LAT: variants seen among roughly 807,000 people sequenced by gnomAD.
The protein encoded by LAT is linker for activation of T-cells family member 1.
LAT carries 12 observed loss-of-function variants against 39.1 expected under a neutral mutation model. That is an observed-to-expected ratio of 0.31 (90% confidence interval 0.20 to 0.50). The LOEUF (loss-of-function observed/expected upper bound fraction) is 0.50, where lower values mean the gene tolerates loss of function less well. LAT is among the 20% of genes least tolerant of loss of function. LAT has a pLI of 0.98. For missense variants in LAT, 253 were observed against 308.0 expected (o/e 0.82, Z 1.34); for synonymous variants, 117 against 123.8 (o/e 0.95, Z 0.36).
Position 28,987,053 on chromosome 16 carries a change from G to A in LAT, c.493+160G>A, listed in dbSNP as rs193155488. Among the ~76,000 whole-genome samples the A allele has an allele frequency of 6.3e-4, 96 of 152,196 alleles. 1 individual carries two copies. The highest frequency in any genetic ancestry group is 1.9e-3 in the African/African-American group (81 of 41,546). ...CTCCCAAGTAGCTGAGACCACAGGCGCATGCCACCACACCTAGCTTATTTA... is the reference window on the plus strand; with the variant it reads ...CTCCCAAGTAGCTGAGACCACAGGCACATGCCACCACACCTAGCTTATTTA... On this transcript the variant is annotated intron_variant, in intron 8 of 11. Coordinates refer to ENST00000395456, the MANE Select transcript of LAT (RefSeq NM_001014987.2).
Position 28,985,281 on chromosome 16 carries a change from C to G in LAT, c.-137C>G. 6.8e-7 allele frequency: 1 copy of G among 1,466,754 alleles called. No individual in the cohort carries two copies. The highest frequency in any genetic ancestry group is 9.0e-7 in the Non-Finnish European group (1 of 1,109,710). The allele number at this position is 1,466,754 out of a possible 1,614,324, so 90.9% of individuals were successfully genotyped here. ...CGGGGAGGGCACAGCTGCCTCCTCCCGGGCTCCCCTGCCACCTGGTGCCTA... is the reference window on the plus strand; with the variant it reads ...CGGGGAGGGCACAGCTGCCTCCTCCGGGGCTCCCCTGCCACCTGGTGCCTA... On this transcript the variant is annotated 5_prime_UTR_variant, in exon 1 of 12. Coordinates refer to ENST00000395456, the MANE Select transcript of LAT (RefSeq NM_001014987.2). The surrounding 1 kb of genome is among the most constrained non-coding windows in gnomAD (Gnocchi z 4.6).
Position 28,986,336 on chromosome 16 carries a change from C to T in LAT, c.246-46C>T, listed in dbSNP as rs777346159. On this transcript the variant is annotated intron_variant, in intron 4 of 11. Coordinates refer to ENST00000395456, the MANE Select transcript of LAT (RefSeq NM_001014987.2). The surrounding 1 kb of genome is among the most constrained non-coding windows in gnomAD (Gnocchi z 5.7). ...CTTTCCCTTTTGCAACTGCTGTTGC[C>T]CCCTGAGCCCCACCTCAGGCATGAC... The T allele has an allele frequency of 8.1e-6, 13 of 1,602,142 alleles. No homozygotes were observed. The highest frequency in any genetic ancestry group is 1.7e-4 in the Middle Eastern group (1 of 6,048).
Position 28,985,098 on chromosome 16 carries a change from G to GGC in LAT, c.-317_-316dup. ...GCGGGAGGGCGGGCACGGAGAGGCG[G>GGC]GCGCCGAGGAGGGGCAGGTAGGGCT... On this transcript the variant is annotated 5_prime_UTR_variant, in exon 1 of 12. Transcript: ENST00000395456. This position sits in a 1 kb window ranked among gnomAD's most constrained non-coding sequence, Gnocchi z 4.6. 1 of 1,428,294 alleles carries GGC rather than the reference G, an allele frequency of 7.0e-7. No individual in the cohort carries two copies. The highest frequency in any genetic ancestry group is 9.1e-7 in the Non-Finnish European group (1 of 1,096,416). The allele number at this position is 1,428,294 out of a possible 1,614,324, so 88.5% of individuals were successfully genotyped here. A position where few individuals can be genotyped will look rare whatever the true frequency, so the allele number is the denominator to read the frequency against.
intron 8 of LAT, chr16:28,987,586 G>T (rs1164506516): frequency 6.6e-6 from 1 of 152,508 alleles, no homozygotes; most frequent in Non-Finnish European, 1.5e-5. Flanking sequence ...CTGTTGCTTT[G>T]CTCTCTCTGT....
intron 9 of LAT, 67 bp from the exon 10 acceptor site, chr16:28,989,707 T>A: frequency 6.3e-7 from 1 of 1,591,340 alleles, no homozygotes; most frequent in Non-Finnish European, 8.6e-7. Flanking sequence ...TGTCTGGGCG[T>A]CCCCTTGCTC....
chr16:28,990,574 A>C lies in LAT; in HGVS notation c.*393A>C. Reference sequence around the variant, plus strand: ...TGGGGGCTCAGCCAGGTGCTGTGACACCCCCCTTCTGAATGAAGCCTTCTG... The same window carrying C: ...TGGGGGCTCAGCCAGGTGCTGTGACCCCCCCCTTCTGAATGAAGCCTTCTG... On this transcript the variant is annotated 3_prime_UTR_variant, in exon 12 of 12. Coordinates refer to ENST00000395456, the MANE Select transcript of LAT (RefSeq NM_001014987.2). 3 of 224,620 alleles carry C rather than the reference A, an allele frequency of 1.3e-5. No homozygotes were observed. The highest frequency in any genetic ancestry group is 2.7e-5 in the Non-Finnish European group (3 of 111,622). 13.9% of individuals were successfully genotyped at this position (224,620 alleles called of 1,614,324 possible). A position where few individuals can be genotyped will look rare whatever the true frequency, so the allele number is the denominator to read the frequency against.
chr16:28,985,769 C>G lies in LAT; in HGVS notation c.128+29C>G, dbSNP rs1015326839. The G allele has an allele frequency of 2.5e-6, 4 of 1,613,932 alleles. No homozygotes were observed. The African/African-American group carries it at 5.3e-5, about 22-fold the overall frequency. On this transcript the variant is annotated intron_variant, in intron 2 of 11. Transcript: ENST00000395456. This position sits in a 1 kb window ranked among gnomAD's most constrained non-coding sequence, Gnocchi z 4.6. ...AGTCCGCCCCAGCCGCCCTGGGTCT[C>G]CCTCCACACCCCATGGCGGGGCAGG...
chr16:28,990,470 G>T lies in LAT; in HGVS notation c.*289G>T. On this transcript the variant is annotated 3_prime_UTR_variant, in exon 12 of 12. Coordinates refer to ENST00000395456, the MANE Select transcript of LAT (RefSeq NM_001014987.2). ...GTCTGTGTTGAGCGTGCGTCTGTGT[G>T]TGCCTGTGTGCGAGTCTGAGTCAGA... is the stretch of plus-strand genomic sequence containing the variant. 1 of 328,386 alleles carries T rather than the reference G, an allele frequency of 3.0e-6. No homozygotes were observed. The allele number at this position is 328,386 out of a possible 1,614,324, so 20.3% of individuals were successfully genotyped here.
Position 28,986,125 on chromosome 16 carries a change from G to A in LAT, c.164-10G>A, listed in dbSNP as rs1166311631. 1.3e-6 allele frequency: 2 copies of A among 1,587,094 alleles called. No homozygotes were observed. The highest frequency in any genetic ancestry group is 1.8e-5 in the Admixed American group (1 of 55,964). ...GGAGTCCTTCTTTCAACTTGGTTCT[G>A]TGTCCTCAGACACGGTTGCCCCCTG... On this transcript the variant is annotated splice_polypyrimidine_tract_variant and intron_variant, in intron 3 of 11. Transcript: ENST00000395456. This position sits in a 1 kb window ranked among gnomAD's most constrained non-coding sequence, Gnocchi z 5.7.
At position 28,990,147 on chromosome 16, in the gene LAT, A is replaced by C. The variant is rs1194565805; in HGVS notation, c.*8-42A>C. ...CTCTGGGTACCTGCTGAACCCCGTC[A>C]GCCTCCTGATCCGTATCCCTCCCTG... On this transcript the variant is annotated intron_variant, in intron 11 of 11. Coordinates refer to ENST00000395456, the MANE Select transcript of LAT (RefSeq NM_001014987.2). The C allele has an allele frequency of 7.8e-6, 6 of 768,744 alleles. No homozygotes were observed. The South Asian group carries it at 9.1e-5, about 12-fold the overall frequency. The allele number at this position is 768,744 out of a possible 1,614,324, so 47.6% of individuals were successfully genotyped here.
At chr16:28,990,063 C>T in intron 11 of LAT, 44 bp downstream of exon 11, 1 of 1,514,156 alleles carries the variant, frequency 6.6e-7, no homozygotes, top group Non-Finnish European at 9.1e-7. Flanking sequence ...GGCCCACAGG[C>T]TCTACTCCTT....
In LAT at chr16:28,986,908, T is replaced by C. The variant is rs367956473; in HGVS notation, c.493+15T>C. On this transcript the variant is annotated intron_variant, in intron 8 of 11. Coordinates refer to ENST00000395456, the MANE Select transcript of LAT (RefSeq NM_001014987.2). The surrounding 1 kb of genome is among the most constrained non-coding windows in gnomAD (Gnocchi z 5.7). ...TGCCTTCTCCAGTGAGTCAGGCATT[T>C]GTTTTTATTTTTAAATTTTTTTAGG... The C allele has an allele frequency of 2.1e-5, 33 of 1,609,538 alleles. No homozygotes were observed. Among genetic ancestry groups the C allele is most frequent in the African/African-American group, 4.0e-5 (3 of 74,654 alleles).
chr16:28,986,454 TG>T lies in LAT; in HGVS notation c.310+12del. ...GGCGGGATTCTGATGGTGGTAAGTGTGGGGAAGGGTTCAGGCGGCGGGGGCT... is the reference window on the plus strand; with the variant it reads ...GGCGGGATTCTGATGGTGGTAAGTGTGGGAAGGGTTCAGGCGGCGGGGGCT... On this transcript the variant is annotated intron_variant, in intron 5 of 11. Coordinates refer to ENST00000395456, the MANE Select transcript of LAT (RefSeq NM_001014987.2). This position sits in a 1 kb window ranked among gnomAD's most constrained non-coding sequence, Gnocchi z 5.7. The T allele has an allele frequency of 1.2e-6, 2 of 1,613,516 alleles. No homozygotes were observed. Among genetic ancestry groups the T allele is most frequent in the Non-Finnish European group, 1.7e-6 (2 of 1,179,874 alleles).
rs747700060 is a variant in LAT, at chr16:28,986,146, C to T, written c.175C>T (p.Pro59Ser). 3 of 1,597,896 alleles carry T rather than the reference C, an allele frequency of 1.9e-6. No individual in the cohort carries two copies. Among genetic ancestry groups the T allele is most frequent in the South Asian group, 1.1e-5 (1 of 88,294 alleles). Residue 59 changes from proline to serine, a missense_variant, in exon 4 of 12, where the codon CCC becomes TCC. By Grantham distance (74) the Pro-to-Ser change is moderately conservative (BLOSUM62 -1). Transcript: ENST00000395456. This position sits in a 1 kb window ranked among gnomAD's most constrained non-coding sequence, Gnocchi z 5.7. ...IQFKRPHTVA[P>S]WPPAYPPVTS... ...TTCTGTGTCCTCAGACACGGTTGCC[C>T]CCTGGCCACCTGCCTACCCACCTGT...
At position 28,990,314 on chromosome 16, in the gene LAT, C is replaced by A. The variant is rs1384729216; in HGVS notation, c.*133C>A. 1.3e-5 allele frequency: 8 copies of A among 622,786 alleles called. No individual in the cohort carries two copies. Among genetic ancestry groups the A allele is most frequent in the African/African-American group, 1.3e-4 (7 of 55,532 alleles). 38.6% of individuals were successfully genotyped at this position (622,786 alleles called of 1,614,324 possible). The stretch of plus-strand genomic sequence containing the variant: ...CAGCCTGACAACAGCCTGAGAAATC[C>A]CCCCGTAACTTATTATCACTTTGGG... On this transcript the variant is annotated 3_prime_UTR_variant, in exon 12 of 12. Transcript: ENST00000395456.
chr16:28,986,087 C>G lies in LAT; in HGVS notation c.164-48C>G. 1 of 1,505,562 alleles carries G rather than the reference C, an allele frequency of 6.6e-7. No homozygotes were observed. The highest frequency in any genetic ancestry group is 9.1e-7 in the Non-Finnish European group (1 of 1,099,026). 93.3% of individuals were successfully genotyped at this position (1,505,562 alleles called of 1,614,324 possible). Reference sequence around the variant, plus strand: ...AGGGGCTTAGTCTGTTCTTTGAGGCCTTGACGATGTCCGGAGTCCTTCTTT... The same window carrying G: ...AGGGGCTTAGTCTGTTCTTTGAGGCGTTGACGATGTCCGGAGTCCTTCTTT... On this transcript the variant is annotated intron_variant, in intron 3 of 11. Coordinates refer to ENST00000395456, the MANE Select transcript of LAT (RefSeq NM_001014987.2). The surrounding 1 kb of genome is among the most constrained non-coding windows in gnomAD (Gnocchi z 5.7).
Position 28,989,487 on chromosome 16 carries a change from C to T in LAT, c.494-40C>T, listed in dbSNP as rs73535863. 22,334 of 1,554,756 alleles carry T rather than the reference C, an allele frequency of 0.014. 2,561 individuals carry two copies. In the African/African-American group the frequency reaches 0.26, roughly 18 times the overall value. ...TCTCTGGGAACCTGTGGCCAAGGGT[C>T]TCTGGTCACAGTGCCGAGGTGGGCC... On this transcript the variant is annotated intron_variant, in intron 8 of 11. Coordinates refer to ENST00000395456, the MANE Select transcript of LAT (RefSeq NM_001014987.2).
intron 9 of LAT, 24 bp from the exon 10 acceptor site, chr16:28,989,750 C>T (rs779308938): frequency 4.3e-6 from 7 of 1,613,816 alleles, no homozygotes; most frequent in Non-Finnish European, 4.2e-6. Flanking sequence ...CGTGGCTGCC[C>T]CTCCTTCTGA....
At position 28,985,193 on chromosome 16, in the gene LAT, C is replaced by A. The variant is rs527291763; in HGVS notation, c.-225C>A. 459 of 1,430,168 alleles carry A rather than the reference C, an allele frequency of 3.2e-4. No homozygotes were observed. The African/African-American group carries it at 5.9e-3, about 18-fold the overall frequency. The allele number at this position is 1,430,168 out of a possible 1,614,324, so 88.6% of individuals were successfully genotyped here. A position where few individuals can be genotyped will look rare whatever the true frequency, so the allele number is the denominator to read the frequency against. On this transcript the variant is annotated 5_prime_UTR_variant, in exon 1 of 12. Coordinates refer to ENST00000395456, the MANE Select transcript of LAT (RefSeq NM_001014987.2). This position sits in a 1 kb window ranked among gnomAD's most constrained non-coding sequence, Gnocchi z 4.6. ...GGTCTGACCACCCTGGGAGCAGGGA[C>A]TTTCCACAGTCAGCTGGACGCACAC...
Sources: gnomAD v4.1 joint callset for allele counts (sites outside exome capture counted in the v4.1 genomes callset) on GRCh38, gnomAD v4.1.1 for gene constraint, Gnocchi (gnomAD v3.1) non-coding constraint, MANE v1.5 for transcripts, NCBI Gene and HGNC (gene_info 2026-07-23, HGNC 2026-07-21) for gene names.